The following FRMD8 variants were observed in gnomAD, a reference collection of about 807,000 sequenced individuals.
FRMD8 encodes the protein FERM domain-containing protein 8.
FRMD8 carries 37 observed loss-of-function variants against 54.2 expected under a neutral mutation model. The observed-to-expected ratio is 0.68, with a 90% confidence interval of 0.53 to 0.90. FRMD8 has a LOEUF of 0.90. Ranked by LOEUF, FRMD8 falls within the 40% of genes least tolerant of loss-of-function variation. The probability of loss-of-function intolerance (pLI) is 0.00; values close to 1 mark genes in which losing one functional copy is unlikely to be tolerated. For missense variants in FRMD8, 585 were observed against 653.7 expected (o/e 0.89, Z 1.15); for synonymous variants, 246 against 286.9 (o/e 0.86, Z 1.44).
intron 1 of FRMD8, 113 bp downstream of exon 1, chr11:65,386,874 C>T (rs531283984): frequency 2.9e-5 from 19 of 660,452 alleles, no homozygotes; most frequent in South Asian, 2.7e-4. Context: ...ACCCGCACCC[C>T]TCCCACCAGC....
At chr11:65,388,731 GCTTAAAGAGTCCTCAGA>G (rs1271609450) in intron 2 of FRMD8, among the ~76,000 whole-genome samples, 1 of 152,160 alleles carries the variant, frequency 6.6e-6, no homozygotes, top group Admixed American at 6.6e-5. Context: ...GACTCCTGAG[GCTTAAAGAGTCCTCAGA>G]CTTAAAGAGT....
the FRMD8 span, chr11:65,377,467 G>A: frequency 1.0e-6 from 1 of 984,606 alleles, no homozygotes; most frequent in Non-Finnish European, 1.2e-6. Context: ...GCCTGTGACT[G>A]TGAAATAGCA....
the FRMD8 span, among the ~76,000 whole-genome samples, chr11:65,374,435 G>A: frequency 2.1e-5 from 3 of 143,448 alleles, no homozygotes; most frequent in Non-Finnish European, 3.2e-5. Flanking sequence ...TGTGACCTAG[G>A]ACAAGTTACA....
the FRMD8 span, among the ~76,000 whole-genome samples, chr11:65,374,030 A>G: frequency 0.042 from 4,802 of 114,964 alleles, 291 homozygotes; most frequent in African/African-American, 0.15. Context: ...TGCAACAAGG[A>G]CAGAGCCAGG....
At chr11:65,380,883 C>T in the FRMD8 span, 42 of 285,880 alleles carry the variant, frequency 1.5e-4, no homozygotes, top group Non-Finnish European at 2.3e-4. Context: ...GGGCAGAGGC[C>T]CAGAGGGGAC....
the FRMD8 span, chr11:65,377,065 C>A: frequency 1.9e-6 from 3 of 1,613,758 alleles, no homozygotes; most frequent in Non-Finnish European, 2.5e-6. Context: ...CAAAAGGAGC[C>A]AGACAGTAGG....
intron 6 of FRMD8, among the ~76,000 whole-genome samples, chr11:65,396,316 G>C (rs1258099397): frequency 2.0e-5 from 3 of 152,202 alleles, no homozygotes; most frequent in South Asian, 2.1e-4. Flanking sequence ...TTCCTGGATG[G>C]AGATGCAGGC....
At chr11:65,382,988 C>G (rs1412259563), upstream of FRMD8, 1 of 152,320 alleles carries the variant, frequency 6.6e-6, no homozygotes, top group Non-Finnish European at 1.5e-5. This position sits in a 1 kb window ranked among gnomAD's most constrained non-coding sequence, Gnocchi z 4.4. Context: ...GGACAGGGAT[C>G]TCTGGGTGTT....
At chr11:65,379,767 C>T in the FRMD8 span, 5 of 1,497,622 alleles carry the variant, frequency 3.3e-6, no homozygotes, top group Non-Finnish European at 4.6e-6. Flanking sequence ...TTGGTCTTCT[C>T]TCCTCCAGGA....
chr11:65,391,985 C>CAG (rs1164010253), intron 3 of FRMD8, among the ~76,000 whole-genome samples: 1 of 152,214 alleles, frequency 6.6e-6, no homozygotes, highest in Non-Finnish European at 1.5e-5. Flanking sequence ...AGTTCCCAGA[C>CAG]AGAGAGAGCA....
At chr11:65,399,607 C>T in intron 7 of FRMD8, 129 bp from the exon 8 acceptor site, 1 of 1,128,880 alleles carries the variant, frequency 8.9e-7, no homozygotes, top group Non-Finnish European at 1.2e-6. Context: ...ACCTCTGTTT[C>T]TCCCTTCCCT....
At chr11:65,399,950 G>C (rs1277658626) in intron 8 of FRMD8, 91 bp downstream of exon 8, 39 of 1,471,548 alleles carry the variant, frequency 2.7e-5, no homozygotes, top group Non-Finnish European at 3.2e-5. Context: ...GGGGGCCTGG[G>C]GGCAAGGTGG....
chr11:65,381,945 C>T (rs1229740602), upstream of FRMD8: 2 of 1,614,092 alleles, frequency 1.2e-6, no homozygotes, highest in Non-Finnish European at 1.7e-6. Context: ...AATTCCTCCA[C>T]CGGCATTGTC....
chr11:65,394,136 C>A, intron 5 of FRMD8, 37 bp downstream of exon 5: 1 of 1,609,336 alleles, frequency 6.2e-7, no homozygotes, highest in Non-Finnish European at 8.5e-7. Flanking sequence ...CCAGGCCTGG[C>A]CCCTTGTGCC....
intron 6 of FRMD8, 44 bp from the exon 7 acceptor site, chr11:65,396,755 C>T (rs916663052): frequency 3.0e-6 from 4 of 1,323,770 alleles, no homozygotes; most frequent in Non-Finnish European, 4.0e-6. Flanking sequence ...GTGAGCCTGG[C>T]ACCTCTGGTT....
chr11:65,368,948 AG>A, the FRMD8 span, among the ~76,000 whole-genome samples: 3 of 152,118 alleles, frequency 2.0e-5, no homozygotes, highest in South Asian at 6.2e-4. Flanking sequence ...ATATAACCTA[AG>A]GGTTACACGA....
chr11:65,398,392 T>G (rs1270228352), intron 7 of FRMD8, among the ~76,000 whole-genome samples: 1 of 152,262 alleles, frequency 6.6e-6, no homozygotes, highest in Non-Finnish European at 1.5e-5. Context: ...CAGTCTGAAC[T>G]GGAGCTCGTA....
Position 65,411,431 on chromosome 11 carries a change from G to A in FRMD8, c.*71G>A, listed in dbSNP as rs1291261767. The A allele has an allele frequency of 1.1e-5, 11 of 1,024,600 alleles. No homozygotes were observed. The highest frequency in any genetic ancestry group is 1.7e-5 in the South Asian group (1 of 57,864). 63.5% of individuals were successfully genotyped at this position (1,024,600 alleles called of 1,614,324 possible). ...GGCACTGTCCTCCTGAGGGGCAGGCGCCGGCTGCAACAGTCTCATGGGTCA... is the reference window on the plus strand; with the variant it reads ...GGCACTGTCCTCCTGAGGGGCAGGCACCGGCTGCAACAGTCTCATGGGTCA... On this transcript the variant is annotated 3_prime_UTR_variant, in exon 11 of 11. Transcript: ENST00000317568.
At chr11:65,373,185 C>G in the FRMD8 span, among the ~76,000 whole-genome samples, 2 of 152,010 alleles carry the variant, frequency 1.3e-5, no homozygotes, top group Non-Finnish European at 2.9e-5. Context: ...TGCAGTGAGC[C>G]GAGATCGTGC....
Sources: gnomAD v4.1 joint callset for allele counts (sites outside exome capture counted in the v4.1 genomes callset) on GRCh38, gnomAD v4.1.1 for gene constraint, Gnocchi (gnomAD v3.1) non-coding constraint, MANE v1.5 for transcripts, NCBI Gene and HGNC (gene_info 2026-07-23, HGNC 2026-07-21) for gene names.